Variants in SPTLC2 observed in about 807,000 individuals in gnomAD.
SPTLC2 encodes serine palmitoyltransferase 2.
In SPTLC2, 21 loss-of-function variants were observed where a neutral mutation model predicts 62.0. The ratio of observed to expected loss-of-function variants is 0.34; its 90% CI spans 0.24 to 0.49. SPTLC2 has a LOEUF of 0.49. Among genes scored for constraint, SPTLC2 ranks in the 20% least tolerant of loss-of-function variants. The probability of loss-of-function intolerance (pLI) is 0.99; values close to 1 mark genes in which losing one functional copy is unlikely to be tolerated. For missense variants in SPTLC2, 511 were observed against 713.0 expected (o/e 0.72, Z 3.23); for synonymous variants, 261 against 261.8 (o/e 1.00, Z 0.03).
chr14:77,543,647 C>T (rs943210483), intron 9 of SPTLC2, among the ~76,000 whole-genome samples: 1 of 152,026 alleles, frequency 6.6e-6, no homozygotes, highest in Non-Finnish European at 1.5e-5. Flanking sequence ...CAGCCCCCCC[C>T]AAAAAAAGTA....
intron 8 of SPTLC2, chr14:77,554,998 C>A (rs2079574966): frequency 2.5e-6 from 1 of 398,678 alleles, no homozygotes; most frequent in South Asian, 2.2e-5. Context: ...CAATGCAAAC[C>A]CAACAGAAGG....
At chr14:77,567,833 CT>C (rs34867638) in intron 5 of SPTLC2, among the ~76,000 whole-genome samples, 7 of 145,894 alleles carry the variant, frequency 4.8e-5, no homozygotes, top group African/African-American at 7.6e-5. Context: ...ACAAGCTTTA[CT>C]TTTTTTTTTT....
At position 77,616,377 on chromosome 14, in the gene SPTLC2, C is replaced by T. The variant is rs544516561; in HGVS notation, c.132+71G>A. Reference sequence around the variant, plus strand: ...ATTGCCCAGCGGATGGCCCGGAGACCTCGCCCCGCCCGGCCGCCCCTCCGC... The same window carrying T: ...ATTGCCCAGCGGATGGCCCGGAGACTTCGCCCCGCCCGGCCGCCCCTCCGC... On this transcript the variant is annotated intron_variant, in intron 1 of 11. Transcript: ENST00000216484. 1.7e-3 allele frequency: 1,715 copies of T among 1,026,238 alleles called. 3 individuals are homozygous for T. The highest frequency in any genetic ancestry group is 2.0e-3 in the Non-Finnish European group (1,595 of 803,962). 63.6% of individuals were successfully genotyped at this position (1,026,238 alleles called of 1,614,324 possible).
At chr14:77,581,405 CTTTT>C (rs1159561282) in intron 2 of SPTLC2, among the ~76,000 whole-genome samples, 6 of 94,004 alleles carry the variant, frequency 6.4e-5, no homozygotes, top group African/African-American at 2.4e-4. Context: ...TACCATCTCT[CTTTT>C]TTTTTTTTTT....
intron 9 of SPTLC2, among the ~76,000 whole-genome samples, chr14:77,531,678 A>G (rs568467372): frequency 4.1e-4 from 62 of 152,052 alleles, no homozygotes; most frequent in African/African-American, 1.4e-3. Context: ...ATGCCCGGCT[A>G]ATTTTGTATT....
intron 9 of SPTLC2, among the ~76,000 whole-genome samples, chr14:77,543,096 C>G (rs1007246003): frequency 5.3e-5 from 8 of 152,238 alleles, no homozygotes; most frequent in Non-Finnish European, 1.2e-4. Context: ...GTTGCCTGAG[C>G]TGGAGTGCAG....
intron 1 of SPTLC2, among the ~76,000 whole-genome samples, chr14:77,604,942 CTG>C (rs1466914001): frequency 1.3e-5 from 2 of 149,018 alleles, no homozygotes; most frequent in African/African-American, 2.5e-5. Context: ...ATAAATCAAA[CTG>C]AAAACACTGG....
intron 9 of SPTLC2, among the ~76,000 whole-genome samples, chr14:77,543,261 C>T (rs2079511143): frequency 6.6e-6 from 1 of 152,148 alleles, no homozygotes; most frequent in African/African-American, 2.4e-5. Context: ...CTATGTTGGC[C>T]AGGCTGGTCT....
chr14:77,560,313 C>G (rs979702772), intron 6 of SPTLC2, among the ~76,000 whole-genome samples: 44 of 152,102 alleles, frequency 2.9e-4, no homozygotes, highest in African/African-American at 1.0e-3. Context: ...GTGGGCCAGG[C>G]GTGGTGGCTT....
intron 9 of SPTLC2, among the ~76,000 whole-genome samples, chr14:77,527,872 GC>G (rs1469847547): frequency 2.0e-5 from 3 of 152,184 alleles, no homozygotes; most frequent in Non-Finnish European, 4.4e-5. Flanking sequence ...GCACTCAGCT[GC>G]TTCAGTAGTA....
intron 11 of SPTLC2, among the ~76,000 whole-genome samples, chr14:77,517,168 A>C (rs936173729): frequency 6.6e-6 from 1 of 152,182 alleles, no homozygotes; most frequent in African/African-American, 2.4e-5. Flanking sequence ...GCTTGAACCC[A>C]GGAGGCAGAG....
At chr14:77,539,954 T>C (rs187980704) in intron 9 of SPTLC2, among the ~76,000 whole-genome samples, 83 of 152,128 alleles carry the variant, frequency 5.5e-4, no homozygotes, top group Non-Finnish European at 8.8e-4. Context: ...CCCAGCACTT[T>C]GGGAGGCCGA....
At chr14:77,583,972 A>G (rs1340700704) in intron 2 of SPTLC2, among the ~76,000 whole-genome samples, 1 of 152,034 alleles carries the variant, frequency 6.6e-6, no homozygotes, top group Non-Finnish European at 1.5e-5. Flanking sequence ...AACAATACCT[A>G]CTCGCGACTA....
At position 77,569,207 on chromosome 14, in the gene SPTLC2, C is replaced by T. The variant is rs976030966; in HGVS notation, c.756+1177G>A. 2.6e-5 allele frequency among the ~76,000 whole-genome samples: 4 copies of T among 152,174 alleles called. No homozygotes were observed. In the South Asian group the frequency reaches 8.3e-4, roughly 32 times the overall value. On this transcript the variant is annotated intron_variant, in intron 5 of 11. Transcript: ENST00000216484. Reference sequence around the variant, plus strand: ...ATTTCTTCTGATTATTATTTGCATGCTGTATTTTTTTTCTATCCTTTTCCT... The same window carrying T: ...ATTTCTTCTGATTATTATTTGCATGTTGTATTTTTTTTCTATCCTTTTCCT...
chr14:77,518,655 C>T (rs2139993336), intron 10 of SPTLC2, among the ~76,000 whole-genome samples: 1 of 151,814 alleles, frequency 6.6e-6, no homozygotes. Context: ...CAAAATGAAC[C>T]TGTATTTAAT....
intron 9 of SPTLC2, among the ~76,000 whole-genome samples, chr14:77,531,884 G>C (rs1418128293): frequency 6.6e-6 from 1 of 152,022 alleles, no homozygotes; most frequent in Non-Finnish European, 1.5e-5. Context: ...TCTAAGATCT[G>C]TACACTTCAT....
At chr14:77,614,958 C>A (rs1442936088) in intron 1 of SPTLC2, among the ~76,000 whole-genome samples, 2 of 145,212 alleles carry the variant, frequency 1.4e-5, no homozygotes, top group African/African-American at 2.6e-5. Context: ...GTGACAAGAG[C>A]AAAACTGTCT....
At position 77,506,726 on chromosome 14, in the gene SPTLC2, CT is replaced by C. The variant is rs2079307387; in HGVS notation, c.*5557del. 6.6e-6 allele frequency: 1 copy of C among 152,158 alleles called. No homozygotes were observed. Among genetic ancestry groups the C allele is most frequent in the Admixed American group, 6.5e-5 (1 of 15,278 alleles). 9.4% of individuals were successfully genotyped at this position (152,158 alleles called of 1,614,324 possible). A position where few individuals can be genotyped will look rare whatever the true frequency, so the allele number is the denominator to read the frequency against. On this transcript the variant is annotated 3_prime_UTR_variant, in exon 12 of 12. Transcript: ENST00000216484. ...GGAAGAGCGTTGGAAAAAGCAGACT[CT>C]GAGTTGGCTTGAGTCTCCTCGTGCA...
At position 77,572,714 on chromosome 14, in the gene SPTLC2, G is replaced by A. The variant is rs534113624; in HGVS notation, c.632-2206C>T. Among the ~76,000 whole-genome samples the A allele has an allele frequency of 2.0e-5, 3 of 152,288 alleles. No individual in the cohort carries two copies. The South Asian group carries it at 6.2e-4, about 32-fold the overall frequency. On this transcript the variant is annotated intron_variant, in intron 4 of 11. Coordinates refer to ENST00000216484, the MANE Select transcript of SPTLC2 (RefSeq NM_004863.4). ...TCAATTATTTTAGCTAGATCTTCTG[G>A]ATAACTTGCTGAAGTTATCAGCATT...
Sources: allele counts gnomAD v4.1 joint callset (sites outside exome capture counted in the v4.1 genomes callset), GRCh38; gene constraint gnomAD v4.1.1; transcripts MANE v1.5; gene names NCBI Gene and HGNC (gene_info 2026-07-23, HGNC 2026-07-21).